The following GABBR2 variants were observed in gnomAD, a reference collection of about 807,000 sequenced individuals.
The protein encoded by GABBR2 is gamma-aminobutyric acid type B receptor subunit 2, also known as G-protein coupled receptor 51.
In GABBR2, 23 loss-of-function variants were observed where a neutral mutation model predicts 105.6. The ratio of observed to expected loss-of-function variants is 0.22; its 90% CI spans 0.16 to 0.31. GABBR2 has a LOEUF of 0.31. GABBR2 is among the 10% of genes least tolerant of loss of function. The probability of loss-of-function intolerance (pLI) is 1.00; values close to 1 mark genes in which losing one functional copy is unlikely to be tolerated. For synonymous variants in GABBR2, 478 were observed against 499.7 expected (o/e 0.96, Z 0.58); for missense variants, 734 against 1,245.5 (o/e 0.59, Z 6.18).
chr9:98,603,679 A>T (rs870047), intron 1 of GABBR2, among the ~76,000 whole-genome samples: 100,583 of 152,036 alleles, frequency 0.66, 33,226 homozygotes, highest in East Asian at 0.78. Flanking sequence ...TGATTTTCCC[A>T]AAGCATGCTT....
At chr9:98,640,185 C>A (rs978836010) in intron 1 of GABBR2, among the ~76,000 whole-genome samples, 3 of 150,800 alleles carry the variant, frequency 2.0e-5, no homozygotes, top group African/African-American at 7.3e-5. Flanking sequence ...AGCTGAAAGT[C>A]CCCTTGATAA....
intron 7 of GABBR2, among the ~76,000 whole-genome samples, chr9:98,415,284 T>A (rs1384060652): frequency 6.6e-6 from 1 of 152,192 alleles, no homozygotes; most frequent in Non-Finnish European, 1.5e-5. Context: ...AAAAACTTTT[T>A]AAAAAGATGT....
intron 7 of GABBR2, among the ~76,000 whole-genome samples, chr9:98,406,902 T>C (rs922176054): frequency 6.6e-6 from 1 of 152,168 alleles, no homozygotes; most frequent in Non-Finnish European, 1.5e-5. Context: ...TCTGCAGCCA[T>C]ACGAGGAAAT....
chr9:98,450,606 G>A (rs1223022047), intron 7 of GABBR2, among the ~76,000 whole-genome samples: 2 of 152,192 alleles, frequency 1.3e-5, no homozygotes, highest in South Asian at 2.1e-4. Context: ...ATCTTGCTGC[G>A]TGGCTCTGAA....
At chr9:98,584,603 A>G (rs1027200736) in intron 1 of GABBR2, among the ~76,000 whole-genome samples, 2 of 152,204 alleles carry the variant, frequency 1.3e-5, no homozygotes, top group African/African-American at 4.8e-5. Context: ...CTCCAGATGA[A>G]ATCCATTTTC....
At chr9:98,324,511 C>T (rs1435303982) in intron 13 of GABBR2, among the ~76,000 whole-genome samples, 1 of 75,946 alleles carries the variant, frequency 1.3e-5, no homozygotes, top group Non-Finnish European at 3.0e-5. Context: ...CACACACACA[C>T]ACACACACAC....
At chr9:98,402,181 C>T (rs1832405887) in intron 8 of GABBR2, among the ~76,000 whole-genome samples, 2 of 152,086 alleles carry the variant, frequency 1.3e-5, no homozygotes, top group South Asian at 4.2e-4. Flanking sequence ...CTAATGAAGG[C>T]AGGGTCGGTG....
chr9:98,453,526 C>T (rs1826271911), intron 7 of GABBR2, among the ~76,000 whole-genome samples: 1 of 152,166 alleles, frequency 6.6e-6, no homozygotes, highest in African/African-American at 2.4e-5. Context: ...CCTAAATTCA[C>T]ATGGAGATTG....
chr9:98,471,996 T>C (rs1826692798), intron 6 of GABBR2, among the ~76,000 whole-genome samples: 1 of 152,260 alleles, frequency 6.6e-6, no homozygotes, highest in Non-Finnish European at 1.5e-5. Flanking sequence ...TATGTCCTAA[T>C]GATTTGCCAT....
At chr9:98,550,509 C>T (rs1828469921) in intron 2 of GABBR2, among the ~76,000 whole-genome samples, 1 of 152,148 alleles carries the variant, frequency 6.6e-6, no homozygotes, top group Non-Finnish European at 1.5e-5. Flanking sequence ...ACTGTTAAGT[C>T]ATACTGCCTC....
chr9:98,516,667 C>CA (rs1827762395), intron 3 of GABBR2, among the ~76,000 whole-genome samples: 2 of 152,292 alleles, frequency 1.3e-5, no homozygotes, highest in African/African-American at 2.4e-5. Flanking sequence ...ATTCCTGACC[C>CA]CGAGGGTGGC....
At chr9:98,385,371 T>A (rs1265770808) in intron 11 of GABBR2, among the ~76,000 whole-genome samples, 1 of 152,000 alleles carries the variant, frequency 6.6e-6, no homozygotes, top group Non-Finnish European at 1.5e-5. Flanking sequence ...CCTGGCTAAT[T>A]TTTTTTTGTA....
chr9:98,329,675 C>T (rs572265509), intron 13 of GABBR2, among the ~76,000 whole-genome samples: 12 of 152,378 alleles, frequency 7.9e-5, no homozygotes, highest in African/African-American at 2.9e-4. Context: ...CCTCCTGAGC[C>T]TGTCCCTCTA....
At chr9:98,472,946 T>C (rs1278522627) in intron 6 of GABBR2, among the ~76,000 whole-genome samples, 200 bp downstream of exon 6, 2 of 151,976 alleles carry the variant, frequency 1.3e-5, no homozygotes. Flanking sequence ...CTTACCTCAT[T>C]TGGGTCTCAC....
At chr9:98,669,736 A>G (rs950871981) in intron 1 of GABBR2, among the ~76,000 whole-genome samples, 2 of 152,102 alleles carry the variant, frequency 1.3e-5, no homozygotes, top group Non-Finnish European at 2.9e-5. Context: ...TCATCACTCC[A>G]CAAATACATG....
intron 7 of GABBR2, among the ~76,000 whole-genome samples, chr9:98,409,092 G>T (rs1832540452): frequency 6.6e-6 from 1 of 152,256 alleles, no homozygotes; most frequent in Non-Finnish European, 1.5e-5. Flanking sequence ...GAAGAGCTTG[G>T]AATGTTCAAG....
At chr9:98,666,042 T>A (rs1427604901) in intron 1 of GABBR2, among the ~76,000 whole-genome samples, 1 of 152,074 alleles carries the variant, frequency 6.6e-6, no homozygotes, top group Non-Finnish European at 1.5e-5. Flanking sequence ...TAACATCACC[T>A]CAAACCAAGG....
intron 1 of GABBR2, among the ~76,000 whole-genome samples, chr9:98,701,934 T>C (rs558130503): frequency 1.3e-5 from 2 of 152,220 alleles, no homozygotes; most frequent in East Asian, 3.9e-4. Flanking sequence ...ATAATAACAA[T>C]GGGAACAACA....
At chr9:98,476,930 C>T (rs1826805329) in intron 5 of GABBR2, among the ~76,000 whole-genome samples, 1 of 152,218 alleles carries the variant, frequency 6.6e-6, no homozygotes. Context: ...GGCTCTCCTG[C>T]AAGGGAGGTA....
Sources: allele counts gnomAD v4.1 joint callset (sites outside exome capture counted in the v4.1 genomes callset), GRCh38; gene constraint gnomAD v4.1.1; transcripts MANE v1.5; gene names NCBI Gene and HGNC (gene_info 2026-07-23, HGNC 2026-07-21).